The following CHRM3 variants were observed in gnomAD, a reference collection of about 807,000 sequenced individuals.
The protein encoded by CHRM3 is cholinergic receptor muscarinic 3.
CHRM3 carries 11 observed loss-of-function variants against 41.8 expected under a neutral mutation model. The observed-to-expected ratio is 0.26, with a 90% CI of 0.17 to 0.44. CHRM3 has a LOEUF of 0.44. Ranked by LOEUF, CHRM3 falls within the 20% of genes least tolerant of loss-of-function variation. CHRM3 has a pLI of 1.00. For synonymous variants in CHRM3, 297 were observed against 301.4 expected (o/e 0.99, Z 0.15); for missense variants, 571 against 745.4 (o/e 0.77, Z 2.72).
In CHRM3 at chr1:239,907,527, G is replaced by C. The variant is rs200014816; in HGVS notation, c.76G>C (p.Asp26His). Residue 26 changes from aspartate (D) to histidine (H), a missense_variant, in exon 7 of 7, where the codon GAT (aspartate) becomes CAT (histidine). By Grantham distance (81) the Asp-to-His change is moderately conservative. This residue lies in a region of CHRM3 where 92 missense variants were observed against 76.1 expected (regional missense o/e 1.21). Transcript: ENST00000676153. The surrounding 1 kb of genome is among the most constrained non-coding windows in gnomAD (Gnocchi z 5.4). ...CTCCTCCTGGATACACAGCCCCTCC[G>C]ATGCAGGGCTGCCCCCGGGAACCGT... Reference protein sequence around the residue: ...ISSSWIHSPSDAGLPPGTVTH... With the variant: ...ISSSWIHSPSHAGLPPGTVTH... The C allele has an allele frequency of 6.2e-7, 1 of 1,614,088 alleles. No individual in the cohort carries two copies. Among genetic ancestry groups the C allele is most frequent in the Admixed American group, 1.7e-5 (1 of 60,010 alleles).
intron 3 of CHRM3, among the ~76,000 whole-genome samples, chr1:239,584,433 G>GAGAT (rs1663218396): frequency 6.6e-6 from 1 of 152,108 alleles, no homozygotes; most frequent in Non-Finnish European, 1.5e-5. Flanking sequence ...TTGAGCGGCT[G>GAGAT]AGATAGAAAA....
intron 5 of CHRM3, among the ~76,000 whole-genome samples, chr1:239,781,640 C>T (rs1177899492): frequency 1.3e-5 from 2 of 152,092 alleles, no homozygotes; most frequent in Admixed American, 1.3e-4. Flanking sequence ...TTAGCTGGAA[C>T]TTCCAGTGTC....
chr1:239,419,959 G>A (rs892516244), intron 1 of CHRM3, among the ~76,000 whole-genome samples: 7 of 152,054 alleles, frequency 4.6e-5, no homozygotes, highest in Non-Finnish European at 7.4e-5. Flanking sequence ...CTGAAAATTC[G>A]GCAGTCCGCT....
chr1:239,460,527 C>T (rs1339743736), intron 1 of CHRM3, among the ~76,000 whole-genome samples: 6 of 152,010 alleles, frequency 3.9e-5, no homozygotes, highest in Non-Finnish European at 8.8e-5. Flanking sequence ...CAATTCTCCT[C>T]TTTCTATATT....
chr1:239,874,065 CT>C (rs1364667202), intron 6 of CHRM3, among the ~76,000 whole-genome samples: 1 of 151,558 alleles, frequency 6.6e-6, no homozygotes, highest in African/African-American at 2.4e-5. Flanking sequence ...TTTATCCCCA[CT>C]TTGTAGCTGA....
chr1:239,905,325 C>G (rs1433652787), intron 6 of CHRM3, among the ~76,000 whole-genome samples: 2 of 152,098 alleles, frequency 1.3e-5, no homozygotes, highest in African/African-American at 4.8e-5. Flanking sequence ...TTTAGGTCCT[C>G]CCAGACATCA....
At chr1:239,888,434 A>T (rs561873838) in intron 6 of CHRM3, among the ~76,000 whole-genome samples, 1 of 151,978 alleles carries the variant, frequency 6.6e-6, no homozygotes, top group Admixed American at 6.6e-5. Flanking sequence ...CTCAAAAAAC[A>T]TTTTTATGGT....
chr1:239,815,056 A>T (rs1440888428), intron 5 of CHRM3, among the ~76,000 whole-genome samples: 1 of 152,202 alleles, frequency 6.6e-6, no homozygotes, highest in Non-Finnish European at 1.5e-5. Flanking sequence ...GATTACAGGC[A>T]TGAGCCACCA....
At chr1:239,412,065 A>C (rs1661118477) in intron 1 of CHRM3, among the ~76,000 whole-genome samples, 1 of 151,456 alleles carries the variant, frequency 6.6e-6, no homozygotes, top group Non-Finnish European at 1.5e-5. Context: ...TCATATAAAA[A>C]TTTTGGTTAT....
chr1:239,534,946 C>A (rs1440751282), intron 2 of CHRM3, among the ~76,000 whole-genome samples: 1 of 152,168 alleles, frequency 6.6e-6, no homozygotes, highest in African/African-American at 2.4e-5. Context: ...TATAAGACTG[C>A]TAATCCATTC....
intron 2 of CHRM3, among the ~76,000 whole-genome samples, chr1:239,494,377 C>A (rs1055372787): frequency 8.5e-5 from 13 of 152,048 alleles, no homozygotes; most frequent in Non-Finnish European, 1.5e-4. Context: ...AAAAACAAGT[C>A]CTACCAATCT....
At chr1:239,796,173 C>T (rs1279017334) in intron 5 of CHRM3, among the ~76,000 whole-genome samples, 1 of 151,972 alleles carries the variant, frequency 6.6e-6, no homozygotes, top group Non-Finnish European at 1.5e-5. Flanking sequence ...AGAAGAGCAT[C>T]CAAGGTTGCA....
chr1:239,888,979 C>T (rs1222601999), intron 6 of CHRM3, among the ~76,000 whole-genome samples: 1 of 152,146 alleles, frequency 6.6e-6, no homozygotes, highest in Non-Finnish European at 1.5e-5. Context: ...TACTCCAGTC[C>T]ATCTGAAGCA....
chr1:239,696,794 A>G (rs1307550942), intron 5 of CHRM3, among the ~76,000 whole-genome samples: 1 of 152,202 alleles, frequency 6.6e-6, no homozygotes, highest in Non-Finnish European at 1.5e-5. Context: ...CACGTTTGCT[A>G]TAAAAGCTCA....
chr1:239,574,950 C>A (rs1662190380), intron 3 of CHRM3, among the ~76,000 whole-genome samples: 1 of 152,068 alleles, frequency 6.6e-6, no homozygotes. Flanking sequence ...AGGTAACAAT[C>A]TTAATCAATG....
At chr1:239,463,960 T>C (rs1259103125) in intron 1 of CHRM3, among the ~76,000 whole-genome samples, 1 of 152,108 alleles carries the variant, frequency 6.6e-6, no homozygotes, top group Non-Finnish European at 1.5e-5. Context: ...AAATATTACT[T>C]CCACAGTGAC....
At chr1:239,834,283 T>C (rs1250087610) in intron 6 of CHRM3, among the ~76,000 whole-genome samples, 1 of 149,238 alleles carries the variant, frequency 6.7e-6, no homozygotes, top group African/African-American at 2.5e-5. Context: ...TCTACCATAA[T>C]ACCCACGTTT....
intron 5 of CHRM3, among the ~76,000 whole-genome samples, chr1:239,747,774 G>A (rs1003373250): frequency 1.3e-5 from 2 of 152,170 alleles, no homozygotes; most frequent in African/African-American, 2.4e-5. Flanking sequence ...GCTCATGCCT[G>A]CAATACCAGC....
At chr1:239,805,654 G>GTA (rs758316988) in intron 5 of CHRM3, among the ~76,000 whole-genome samples, 3 of 147,770 alleles carry the variant, frequency 2.0e-5, no homozygotes, top group African/African-American at 5.0e-5. Flanking sequence ...GTGTGTGTGT[G>GTA]TATACACATC....
Sources: gnomAD v4.1 joint callset for allele counts (sites outside exome capture counted in the v4.1 genomes callset) on GRCh38, gnomAD v4.1.1 for gene constraint, gnomAD v4.1.1 regional missense constraint, Gnocchi (gnomAD v3.1) non-coding constraint, MANE v1.5 for transcripts, NCBI Gene and HGNC (gene_info 2026-07-23, HGNC 2026-07-21) for gene names.